Variants in PDZD2 observed in about 807,000 individuals in gnomAD.
PDZD2 encodes the protein PDZ domain containing 2.
PDZD2 carries 90 observed loss-of-function variants against 220.7 expected under a neutral mutation model. The observed-to-expected ratio is 0.41, with a 90% CI of 0.34 to 0.49. The LOEUF is 0.49. Ranked by LOEUF, PDZD2 falls within the 20% of genes least tolerant of loss-of-function variation. The probability of loss-of-function intolerance (pLI) is 0.28; values close to 1 mark genes in which losing one functional copy is unlikely to be tolerated. For missense variants in PDZD2, 3,174 were observed against 3,608.5 expected (o/e 0.88, Z 3.08); for synonymous variants, 1,375 against 1,450.5 (o/e 0.95, Z 1.18).
chr5:31,647,988 A>G (rs1326698550), intron 1 of PDZD2, among the ~76,000 whole-genome samples: 1 of 152,214 alleles, frequency 6.6e-6, no homozygotes, highest in Non-Finnish European at 1.5e-5. Flanking sequence ...TGTTCACGGT[A>G]TGAATGGAGG....
At chr5:32,057,083 G>A (rs1429932216) in intron 10 of PDZD2, among the ~76,000 whole-genome samples, 2 of 152,108 alleles carry the variant, frequency 1.3e-5, no homozygotes, top group African/African-American at 4.8e-5. Context: ...GACTGAGCCA[G>A]AGCAATACTC....
intron 2 of PDZD2, among the ~76,000 whole-genome samples, chr5:31,821,836 C>G (rs1755883821): frequency 1.7e-5 from 1 of 57,714 alleles, no homozygotes; most frequent in Non-Finnish European, 3.7e-5. Context: ...CCTATGCTCT[C>G]CCTCCCCTTA....
rs548177151 is a variant in PDZD2, at chr5:32,087,428, G to A, written c.3980G>A (p.Gly1327Glu). ...AGGGTGGCTGCCCTCAGGGGAGCGG[G>A]ACCTGGAGCAGAGGGAATGACACCA... is the stretch of plus-strand genomic sequence containing the variant. Reference protein sequence around the residue: ...TRRVAALRGAGPGAEGMTPAG... With the variant: ...TRRVAALRGAEPGAEGMTPAG... Residue 1327 changes from glycine (G) to glutamate (E), a missense_variant, in exon 20 of 25, where the codon GGA (glycine) becomes GAA (glutamate). Transcript: ENST00000438447. This position sits in a 1 kb window ranked among gnomAD's most constrained non-coding sequence, Gnocchi z 4.0. 5 of 1,614,022 alleles carry A rather than the reference G, an allele frequency of 3.1e-6. No homozygotes were observed. Among genetic ancestry groups the A allele is most frequent in the Admixed American group, 3.3e-5 (2 of 60,010 alleles).
intron 2 of PDZD2, among the ~76,000 whole-genome samples, chr5:31,855,379 G>C (rs1482954030): frequency 6.6e-6 from 1 of 152,250 alleles, no homozygotes; most frequent in Non-Finnish European, 1.5e-5. Flanking sequence ...GACGGTTTGT[G>C]TTCCTCGGGA....
Position 32,091,037 on chromosome 5 carries a change from C to T in PDZD2, c.7589C>T (p.Ser2530Leu), listed in dbSNP as rs776310308. The T allele has an allele frequency of 6.8e-6, 11 of 1,613,696 alleles. No individual in the cohort carries two copies. The African/African-American group carries it at 8.0e-5, about 12-fold the overall frequency. Reference protein sequence around the residue: ...RSPGPPAGGVSCPEKGGNRAC... With the variant: ...RSPGPPAGGVLCPEKGGNRAC... ...CCTGGCCCTCCTGCTGGAGGCGTTT[C>T]GTGTCCCGAGAAGGGCGGGAACAGG... The change falls in exon 20 of 25, where the codon TCG (serine) becomes TTG (leucine). Residue 2530 changes from serine to leucine, a missense_variant. Coordinates refer to ENST00000438447, the MANE Select transcript of PDZD2 (RefSeq NM_178140.4).
intron 2 of PDZD2, among the ~76,000 whole-genome samples, chr5:31,873,542 T>C (rs151316871): frequency 2.8e-5 from 4 of 142,880 alleles, no homozygotes; most frequent in African/African-American, 1.1e-4. Flanking sequence ...TTTTTATTTA[T>C]TTATTTATTT....
intron 2 of PDZD2, among the ~76,000 whole-genome samples, chr5:31,884,046 G>A (rs534164263): frequency 1.3e-5 from 2 of 152,104 alleles, no homozygotes; most frequent in East Asian, 1.9e-4. Context: ...AATCCCATCT[G>A]TACTAAAAAT....
chr5:32,077,058 T>C (rs1741367249), intron 18 of PDZD2, among the ~76,000 whole-genome samples: 3 of 152,246 alleles, frequency 2.0e-5, no homozygotes, highest in Admixed American at 2.0e-4. Context: ...ATGTCAATTT[T>C]GTTTATCCAG....
intron 2 of PDZD2, among the ~76,000 whole-genome samples, chr5:31,951,810 T>G (rs1488496819): frequency 6.6e-6 from 1 of 152,202 alleles, no homozygotes; most frequent in African/African-American, 2.4e-5. Flanking sequence ...ATCACTGCAT[T>G]CCAGTCATGC....
intron 1 of PDZD2, among the ~76,000 whole-genome samples, chr5:31,648,486 G>A (rs927156316): frequency 6.6e-6 from 1 of 151,936 alleles, no homozygotes; most frequent in Non-Finnish European, 1.5e-5. Context: ...CCAGGAATAA[G>A]TCCTGTTGGC....
intron 2 of PDZD2, among the ~76,000 whole-genome samples, chr5:31,914,813 A>C (rs1259415949): frequency 1.3e-5 from 2 of 152,234 alleles, no homozygotes; most frequent in African/African-American, 4.8e-5. Context: ...TTAACACAGA[A>C]TTGACATAGA....
intron 2 of PDZD2, among the ~76,000 whole-genome samples, chr5:31,897,582 G>A (rs1490138710): frequency 1.3e-5 from 2 of 152,186 alleles, no homozygotes; most frequent in Non-Finnish European, 2.9e-5. Context: ...GCTTCCTATT[G>A]ATGTGAAAAT....
At chr5:31,993,408 G>A (rs1561287292) in intron 3 of PDZD2, among the ~76,000 whole-genome samples, 1 of 152,194 alleles carries the variant, frequency 6.6e-6, no homozygotes, top group East Asian at 1.9e-4. Flanking sequence ...GATCCAACAG[G>A]TCTCTGTCTG....
At position 31,829,297 on chromosome 5, in the gene PDZD2, C is replaced by T. The variant is rs141538900; in HGVS notation, c.476+29573C>T. Among the ~76,000 whole-genome samples the T allele has an allele frequency of 2.7e-4, 41 of 151,220 alleles. No individual in the cohort carries two copies. In the South Asian group the frequency reaches 4.0e-3, roughly 15 times the overall value. On this transcript the variant is annotated intron_variant, in intron 2 of 24. Coordinates refer to ENST00000438447, the MANE Select transcript of PDZD2 (RefSeq NM_178140.4). The stretch of plus-strand genomic sequence containing the variant: ...AAACTTATCTTTGAAATACGATATA[C>T]GTAAAGGCACATATCAAAAGTATTC...
Position 32,087,343 on chromosome 5 carries a change from C to T in PDZD2, c.3895C>T (p.Pro1299Ser), listed in dbSNP as rs545124074. ...CTCCCCGGGGGAGAAAGCAGCGGCT[C>T]CCCCTGACTACAGCAAGACTCGATC... ...SPSPGEKAAA[P>S]PDYSKTRSAS... is the part of the protein sequence containing the mutation. The change falls in exon 20 of 25, where the codon CCC (proline) becomes TCC (serine). Residue 1299 changes from proline (P) to serine (S), a missense_variant. This residue lies in a region of PDZD2 where 1,861 missense variants were observed against 2,001.0 expected (regional missense o/e 0.93). Transcript: ENST00000438447. The surrounding 1 kb of genome is among the most constrained non-coding windows in gnomAD (Gnocchi z 4.0). 1 of 1,614,070 alleles carries T rather than the reference C, an allele frequency of 6.2e-7. No individual in the cohort carries two copies. The highest frequency in any genetic ancestry group is 1.3e-5 in the African/African-American group (1 of 75,060).
At chr5:31,802,093 G>T (rs749306094) in intron 2 of PDZD2, among the ~76,000 whole-genome samples, 15 of 152,180 alleles carry the variant, frequency 9.9e-5, no homozygotes, top group Non-Finnish European at 1.8e-4. Flanking sequence ...TTGAAGCTCT[G>T]AAGAAGGATC....
At chr5:31,712,451 C>CCTCTCTCTCTCT (rs72212182) in intron 1 of PDZD2, among the ~76,000 whole-genome samples, 1 of 131,450 alleles carries the variant, frequency 7.6e-6, no homozygotes, top group African/African-American at 2.6e-5. Context: ...GCTGGGCCTG[C>CCTCTCTCTCTCT]CTCTCTCTCT....
chr5:31,671,385 A>G (rs1459003779), intron 1 of PDZD2, among the ~76,000 whole-genome samples: 2 of 152,200 alleles, frequency 1.3e-5, no homozygotes, highest in African/African-American at 4.8e-5. Flanking sequence ...CGCTGTGTCC[A>G]TGGTTGCTGG....
In PDZD2 at chr5:31,886,447, T is replaced by C. The variant is rs1472097829; in HGVS notation, c.476+86723T>C. Among the ~76,000 whole-genome samples the C allele has an allele frequency of 2.6e-5, 4 of 152,026 alleles. No homozygotes were observed. In the South Asian group the frequency reaches 8.3e-4, roughly 32 times the overall value. On this transcript the variant is annotated intron_variant, in intron 2 of 24. Coordinates refer to ENST00000438447, the MANE Select transcript of PDZD2 (RefSeq NM_178140.4). The stretch of plus-strand genomic sequence containing the variant: ...CTGCCCGGACTCCCTTCCTCTCTCC[T>C]CTCTCCTCTCTGCTGAGGTTCTGCC...
Sources: allele counts gnomAD v4.1 joint callset (sites outside exome capture counted in the v4.1 genomes callset), GRCh38; gene constraint gnomAD v4.1.1; regional missense constraint gnomAD v4.1.1; non-coding constraint Gnocchi (gnomAD v3.1); transcripts MANE v1.5; gene names NCBI Gene and HGNC (gene_info 2026-07-23, HGNC 2026-07-21).